SBF2: variants seen among roughly 807,000 people sequenced by gnomAD.
SBF2 encodes the protein myotubularin-related protein 13.
SBF2 carries 112 observed loss-of-function variants against 225.2 expected under a neutral mutation model. The observed-to-expected ratio is 0.50, with a 90% CI of 0.43 to 0.58. The LOEUF (loss-of-function observed/expected upper bound fraction) is 0.58, where lower values mean the gene tolerates loss of function less well. SBF2 is among the 20% of genes least tolerant of loss of function. The probability of loss-of-function intolerance (pLI) is 0.00; values close to 1 mark genes in which losing one functional copy is unlikely to be tolerated. For synonymous variants in SBF2, 763 were observed against 773.3 expected (o/e 0.99, Z 0.22); for missense variants, 1,996 against 2,206.2 (o/e 0.90, Z 1.91).
intron 2 of SBF2, among the ~76,000 whole-genome samples, chr11:10,168,165 C>A (rs1956049988): frequency 6.6e-6 from 1 of 152,130 alleles, no homozygotes; most frequent in Admixed American, 6.5e-5. Context: ...AATTTAAGTT[C>A]TGAGAAGACA....
At chr11:9,966,851 C>T (rs555304153) in intron 14 of SBF2, among the ~76,000 whole-genome samples, 2 of 152,288 alleles carry the variant, frequency 1.3e-5, no homozygotes, top group East Asian at 3.9e-4. Flanking sequence ...GGTTTGGCAG[C>T]TCCTCAAAAC....
At chr11:9,967,755 A>G (rs1867022488) in intron 14 of SBF2, among the ~76,000 whole-genome samples, 1 of 152,088 alleles carries the variant, frequency 6.6e-6, no homozygotes, top group African/African-American at 2.4e-5. Flanking sequence ...GTCTCTACTA[A>G]AAATACAAAA....
chr11:10,260,766 A>G (rs1313061356), intron 1 of SBF2, among the ~76,000 whole-genome samples: 1 of 151,648 alleles, frequency 6.6e-6, no homozygotes, highest in Non-Finnish European at 1.5e-5. Flanking sequence ...CCGTAGTCCC[A>G]TCTACTCAGG....
intron 2 of SBF2, among the ~76,000 whole-genome samples, chr11:10,119,051 C>T (rs896730167): frequency 1.3e-5 from 2 of 151,784 alleles, no homozygotes; most frequent in Non-Finnish European, 2.9e-5. Context: ...AGATATTTTG[C>T]AATTCTCAGG....
At chr11:10,110,147 A>G (rs1952767463) in intron 2 of SBF2, among the ~76,000 whole-genome samples, 1 of 152,228 alleles carries the variant, frequency 6.6e-6, no homozygotes, top group Non-Finnish European at 1.5e-5. Flanking sequence ...CCTTTATTTG[A>G]GGCCACTTAA....
intron 1 of SBF2, among the ~76,000 whole-genome samples, chr11:10,291,740 G>A (rs1488793319): frequency 6.6e-6 from 1 of 151,698 alleles, no homozygotes; most frequent in Non-Finnish European, 1.5e-5. Flanking sequence ...AGTTTAGTGA[G>A]GAACAAGATA....
chr11:10,108,053 A>T (rs973305122), intron 2 of SBF2, among the ~76,000 whole-genome samples: 1 of 152,226 alleles, frequency 6.6e-6, no homozygotes, highest in Non-Finnish European at 1.5e-5. Flanking sequence ...ATATAAATGT[A>T]TATTAAAAGT....
intron 2 of SBF2, among the ~76,000 whole-genome samples, chr11:10,076,287 C>T (rs1951102760): frequency 6.6e-6 from 1 of 152,216 alleles, no homozygotes; most frequent in Admixed American, 6.5e-5. Context: ...TCCATATGCA[C>T]TCCCGTCTCC....
Position 9,805,623 on chromosome 11 carries a change from A to AT in SBF2, c.4443+2376dup, listed in dbSNP as rs534723545. ...AGCAATTCTACTTAGGATATTCTAG[A>AT]TTTTTTTTTTTTCCCCCAAGACGGA... is the stretch of plus-strand genomic sequence containing the variant. On this transcript the variant is annotated intron_variant, in intron 32 of 39. Transcript: ENST00000256190. Among the ~76,000 whole-genome samples, 247 of 147,088 alleles carry AT rather than the reference A, an allele frequency of 1.7e-3. 5 individuals carry two copies. The highest frequency in any genetic ancestry group is 3.5e-3 in the Middle Eastern group (1 of 284).
In SBF2 at chr11:9,962,015, G is replaced by A. The variant is rs1394687873; in HGVS notation, c.1802C>T (p.Ala601Val). The A allele has an allele frequency of 1.9e-6, 3 of 1,613,856 alleles. No individual in the cohort carries two copies. The change falls in exon 16 of 40, where the codon GCA (alanine) becomes GTA (valine). Residue 601 changes from alanine (A) to valine (V), a missense_variant. By Grantham distance (64) the Ala-to-Val change is moderately conservative. Coordinates refer to ENST00000256190, the MANE Select transcript of SBF2 (RefSeq NM_030962.4). ...ELGLHVQQNR[A>V]ILDHQQFDYI... ...GTCAAACTGTTGATGGTCTAATATT[G>A]CCCGGTTTTGCTGGACATGCAAACC... is the stretch of plus-strand genomic sequence containing the variant.
intron 16 of SBF2, among the ~76,000 whole-genome samples, chr11:9,941,333 TAA>T (rs200705059): frequency 5.5e-5 from 8 of 144,404 alleles, no homozygotes; most frequent in East Asian, 2.0e-4. Flanking sequence ...TCAGTAAAAA[TAA>T]AAAAAAAAAA....
chr11:10,173,644 T>A (rs569127566), intron 2 of SBF2, among the ~76,000 whole-genome samples: 198 of 152,264 alleles, frequency 1.3e-3, no homozygotes, highest in Middle Eastern at 6.8e-3. Context: ...AAGCTCGAAC[T>A]GGGTGGAGCC....
intron 10 of SBF2, among the ~76,000 whole-genome samples, chr11:9,993,716 G>A (rs1947541619): frequency 6.6e-6 from 1 of 152,140 alleles, no homozygotes; most frequent in Admixed American, 6.5e-5. Context: ...TAGCCCTAGT[G>A]GCCTCTTGCC....
intron 2 of SBF2, among the ~76,000 whole-genome samples, chr11:10,162,358 T>C (rs1955790025): frequency 6.6e-6 from 1 of 152,034 alleles, no homozygotes; most frequent in African/African-American, 2.4e-5. Context: ...GTAATATAAT[T>C]GAGAATGACA....
chr11:10,120,228 C>G (rs1184796223), intron 2 of SBF2, among the ~76,000 whole-genome samples: 2 of 152,196 alleles, frequency 1.3e-5, no homozygotes, highest in African/African-American at 4.8e-5. Context: ...GCATAATGTT[C>G]TCATGGTTTA....
chr11:9,856,376 C>A, intron 19 of SBF2, 82 bp downstream of exon 19: 1 of 1,569,720 alleles, frequency 6.4e-7, no homozygotes, highest in South Asian at 1.1e-5. Flanking sequence ...AGTATTTGCT[C>A]AAAATGTTTA....
At chr11:10,108,752 C>T (rs1315299678) in intron 2 of SBF2, among the ~76,000 whole-genome samples, 1 of 151,604 alleles carries the variant, frequency 6.6e-6, no homozygotes, top group Non-Finnish European at 1.5e-5. Flanking sequence ...TCTCGATCTC[C>T]TGACCTCGTG....
rs1855248034 is a variant in SBF2 at position 9,829,353 on chromosome 11, T to C, written c.3793+3A>G. 6 of 1,614,088 alleles carry C rather than the reference T, an allele frequency of 3.7e-6. No homozygotes were observed. Among genetic ancestry groups the C allele is most frequent in the Non-Finnish European group, 5.1e-6 (6 of 1,179,958 alleles). On this transcript the variant is annotated splice_donor_region_variant and intron_variant, in intron 28 of 39. Transcript: ENST00000256190. Reference sequence around the variant, plus strand: ...CAAGAAGAAAAGTATTATCAAATCTTACCTGGAGATAGAGCAAAGGCTGGC... The same window carrying C: ...CAAGAAGAAAAGTATTATCAAATCTCACCTGGAGATAGAGCAAAGGCTGGC...
chr11:9,963,946 G>C, intron 14 of SBF2, 64 bp from the exon 15 acceptor site: 1 of 934,938 alleles, frequency 1.1e-6, no homozygotes, highest in Non-Finnish European at 1.7e-6. Context: ...CAAAAGCAAA[G>C]AGACTACTAC....
Sources: gnomAD v4.1 joint callset for allele counts (sites outside exome capture counted in the v4.1 genomes callset) on GRCh38, gnomAD v4.1.1 for gene constraint, MANE v1.5 for transcripts, NCBI Gene and HGNC (gene_info 2026-07-23, HGNC 2026-07-21) for gene names.